IFTAP: variants seen among roughly 807,000 people sequenced by gnomAD.
IFTAP encodes the protein intraflagellar transport associated protein, also known as intraflagellar transport-associated protein.
A neutral mutation model predicts 19.4 loss-of-function variants in IFTAP; 19 were observed. The observed-to-expected ratio is 0.98, with a 90% CI of 0.68 to 1.44. The LOEUF (loss-of-function observed/expected upper bound fraction) is 1.44. IFTAP is among the 40% of genes most tolerant of loss of function. IFTAP has a pLI of 0.00. For synonymous variants in IFTAP, 85 were observed against 83.5 expected (o/e 1.02, Z -0.10); for missense variants, 240 against 253.6 (o/e 0.95, Z 0.36).
chr11:36,622,016 A>G (rs1405850794), intron 2 of IFTAP, among the ~76,000 whole-genome samples: 1 of 151,896 alleles, frequency 6.6e-6, no homozygotes. Context: ...TAAAATAACA[A>G]TAAGAATGAT....
chr11:36,631,262 G>A (rs1259916108), intron 2 of IFTAP, among the ~76,000 whole-genome samples: 1 of 151,208 alleles, frequency 6.6e-6, no homozygotes, highest in Non-Finnish European at 1.5e-5. Context: ...AGAAGTCACT[G>A]GTGCTGGTGC....
Position 36,619,413 on chromosome 11 carries a change from A to C in IFTAP, c.136+9174A>C, listed in dbSNP as rs182341248. The stretch of plus-strand genomic sequence containing the variant: ...GAGGGTGCAAAGAGAGGCTTTTCCC[A>C]ATCTGAAGAATGAATTTAAAATCTG... On this transcript the variant is annotated intron_variant, in intron 2 of 5. Transcript: ENST00000334307. Among the ~76,000 whole-genome samples the C allele has an allele frequency of 3.1e-3, 475 of 152,140 alleles. 3 individuals carry two copies. The highest frequency in any genetic ancestry group is 0.011 in the African/African-American group (453 of 41,518).
At chr11:36,596,197 A>T (rs1182702450) in intron 1 of IFTAP, among the ~76,000 whole-genome samples, 2 of 148,206 alleles carry the variant, frequency 1.3e-5, no homozygotes, top group Non-Finnish European at 3.0e-5. Context: ...TGGTCACTCT[A>T]ATGAGATGGT....
Position 36,596,627 on chromosome 11 carries a change from A to T in IFTAP, c.-24+2035A>T, listed in dbSNP as rs1590722867. ...GTGATTACACTCAGCCTGAGTGATT[A>T]TGATCAGAGAGTTGTCCCATTTTGG... On this transcript the variant is annotated intron_variant, in intron 1 of 5. Coordinates refer to ENST00000334307, the MANE Select transcript of IFTAP (RefSeq NM_138787.4). 2.6e-5 allele frequency among the ~76,000 whole-genome samples: 4 copies of T among 152,210 alleles called. No individual in the cohort carries two copies. In the South Asian group the frequency reaches 8.3e-4, roughly 31 times the overall value.
intron 5 of IFTAP, among the ~76,000 whole-genome samples, chr11:36,649,534 A>G (rs1284679760): frequency 6.6e-6 from 1 of 152,146 alleles, no homozygotes; most frequent in Non-Finnish European, 1.5e-5. Context: ...TAGAAATACA[A>G]TTTTATTTCA....
rs753979857 is a variant in IFTAP at position 36,659,201 on chromosome 11, TTG to T, written c.*26_*27del. On this transcript the variant is annotated 3_prime_UTR_variant, in exon 6 of 6. Transcript: ENST00000334307. ...CCTGTGACTGATTCACAGAGGCATT[TTG>T]TGTGTGTGTGCTTATTTTAATTTTG... 32 of 1,554,286 alleles carry T rather than the reference TTG, an allele frequency of 2.1e-5. No homozygotes were observed. The highest frequency in any genetic ancestry group is 1.6e-4 in the East Asian group (7 of 43,586).
intron 1 of IFTAP, among the ~76,000 whole-genome samples, chr11:36,596,900 A>G (rs1353908032): frequency 6.6e-6 from 1 of 152,202 alleles, no homozygotes; most frequent in Admixed American, 6.5e-5. Flanking sequence ...TTCTTGGGCA[A>G]GACATAAGGA....
chr11:36,614,731 C>G (rs1852006942), intron 2 of IFTAP, among the ~76,000 whole-genome samples: 1 of 148,790 alleles, frequency 6.7e-6, no homozygotes. Context: ...TGAGAAGTGT[C>G]TGTTCATGTC....
chr11:36,650,421 G>A (rs73439922), intron 5 of IFTAP, among the ~76,000 whole-genome samples: 14,366 of 151,420 alleles, frequency 0.095, 838 homozygotes, highest in African/African-American at 0.15. Flanking sequence ...TATTTATGGG[G>A]TATAGTGTGA....
intron 2 of IFTAP, among the ~76,000 whole-genome samples, chr11:36,628,661 T>C (rs1299464936): frequency 6.6e-6 from 1 of 151,282 alleles, no homozygotes; most frequent in Non-Finnish European, 1.5e-5. Flanking sequence ...ACAGAATTTT[T>C]TTTTCTGTCT....
intron 4 of IFTAP, among the ~76,000 whole-genome samples, chr11:36,647,462 T>C (rs11033735): frequency 0.16 from 23,642 of 152,090 alleles, 2,622 homozygotes; most frequent in African/African-American, 0.31. Flanking sequence ...GCAGGAAACA[T>C]GTTGCTGCTG....
chr11:36,652,381 C>T lies in IFTAP; in HGVS notation c.498+4226C>T, dbSNP rs565603022. On this transcript the variant is annotated intron_variant, in intron 5 of 5. Transcript: ENST00000334307. ...CTGTTATTGGTGTATAAGAATGCTT[C>T]TGATTTTTGCACATTGATTTTGTAT... Among the ~76,000 whole-genome samples the T allele has an allele frequency of 5.7e-4, 87 of 152,136 alleles. No homozygotes were observed. The South Asian group carries it at 0.015, about 26-fold the overall frequency.
At chr11:36,625,621 A>T (rs1234906451) in intron 2 of IFTAP, among the ~76,000 whole-genome samples, 1 of 152,162 alleles carries the variant, frequency 6.6e-6, no homozygotes, top group East Asian at 1.9e-4. Context: ...GCCCTCATTC[A>T]TTTGGTAAAT....
chr11:36,627,432 G>A (rs1159563578), intron 2 of IFTAP, among the ~76,000 whole-genome samples: 2 of 151,242 alleles, frequency 1.3e-5, no homozygotes, highest in African/African-American at 4.9e-5. Flanking sequence ...AGATAAGCAT[G>A]TGTCCTTGTG....
chr11:36,600,854 A>G (rs1851484546), intron 1 of IFTAP, among the ~76,000 whole-genome samples: 3 of 152,224 alleles, frequency 2.0e-5, no homozygotes, highest in Admixed American at 2.0e-4. Flanking sequence ...TAATTGGACA[A>G]AAAAGGAAAC....
chr11:36,607,681 T>C (rs1324530682), intron 1 of IFTAP, among the ~76,000 whole-genome samples: 3 of 152,124 alleles, frequency 2.0e-5, no homozygotes, highest in African/African-American at 7.2e-5. Flanking sequence ...CTTTTCTTTT[T>C]ATTTTTTTTG....
intron 4 of IFTAP, among the ~76,000 whole-genome samples, chr11:36,647,781 TG>T (rs1470422075): frequency 6.6e-6 from 1 of 152,060 alleles, no homozygotes; most frequent in Non-Finnish European, 1.5e-5. Context: ...CCAGACATTT[TG>T]GGGGGACTCT....
intron 2 of IFTAP, among the ~76,000 whole-genome samples, chr11:36,619,341 A>G (rs893114410): frequency 1.3e-5 from 2 of 152,068 alleles, no homozygotes; most frequent in African/African-American, 4.8e-5. Flanking sequence ...TTGGTCCCCA[A>G]AGCTATTTTG....
intron 4 of IFTAP, among the ~76,000 whole-genome samples, chr11:36,642,688 C>A (rs1357051208): frequency 2.6e-5 from 4 of 152,112 alleles, no homozygotes; most frequent in Non-Finnish European, 2.9e-5. Context: ...CCCTGGGATG[C>A]AAGGCTGGTT....
Sources: gnomAD v4.1 joint callset for allele counts (sites outside exome capture counted in the v4.1 genomes callset) on GRCh38, gnomAD v4.1.1 for gene constraint, MANE v1.5 for transcripts, NCBI Gene and HGNC (gene_info 2026-07-23, HGNC 2026-07-21) for gene names.